Variants in PTPRD observed in about 807,000 individuals in gnomAD.
PTPRD encodes receptor-type tyrosine-protein phosphatase delta.
In PTPRD, 34 loss-of-function variants were observed where a neutral mutation model predicts 214.5. The ratio of observed to expected loss-of-function variants is 0.16; its 90% CI spans 0.12 to 0.21. The LOEUF (loss-of-function observed/expected upper bound fraction) is 0.21. PTPRD is among the 10% of genes least tolerant of loss of function. The pLI, the probability that PTPRD is intolerant of heterozygous loss-of-function variation, is 1.00. For missense variants in PTPRD, 2,545 were observed against 2,398.7 expected, an observed-to-expected ratio of 1.06 and a Z score of -1.27; for synonymous variants, 1,128 against 845.7, an observed-to-expected ratio of 1.33 and a Z score of -5.79.
intron 5 of PTPRD, chr9:9,800,613 A>G (rs1392719034): frequency 6.6e-6 from 1 of 152,178 alleles, no homozygotes; most frequent in Admixed American, 6.5e-5. Flanking sequence ...TTGTCTATAG[A>G]CCATGAGGTC....
intron 10 of PTPRD, among the ~76,000 whole-genome samples, chr9:9,131,704 T>TA (rs901629835): frequency 8.5e-5 from 13 of 152,180 alleles, no homozygotes; most frequent in East Asian, 1.9e-4. Context: ...TTTCTCTGTA[T>TA]AAAAAATCTC....
chr9:10,325,300 T>C (rs2096623323), intron 3 of PTPRD, among the ~76,000 whole-genome samples: 1 of 152,026 alleles, frequency 6.6e-6, no homozygotes, highest in Non-Finnish European at 1.5e-5. Flanking sequence ...GGCCTAGTTA[T>C]ACAGTAGGCA....
intron 7 of PTPRD, among the ~76,000 whole-genome samples, chr9:9,618,767 G>A (rs559881611): frequency 6.1e-4 from 93 of 152,246 alleles, no homozygotes; most frequent in African/African-American, 2.1e-3. Context: ...GGGAGATACA[G>A]ATTTGGAAGT....
chr9:10,238,681 C>G lies in PTPRD; in HGVS notation c.-545+102282G>C, dbSNP rs1300930831. On this transcript the variant is annotated intron_variant, in intron 3 of 45. Coordinates refer to ENST00000381196, the MANE Select transcript of PTPRD (RefSeq NM_002839.4). Reference sequence around the variant, plus strand: ...GGGATTAATATGCAGATATGAAAATCCTATCTAAAAATTGTAGACAATAAT... The same window carrying G: ...GGGATTAATATGCAGATATGAAAATGCTATCTAAAAATTGTAGACAATAAT... Among the ~76,000 whole-genome samples, 4 of 151,822 alleles carry G rather than the reference C, an allele frequency of 2.6e-5. No homozygotes were observed. The East Asian group carries it at 7.8e-4, about 29-fold the overall frequency.
intron 43 of PTPRD, among the ~76,000 whole-genome samples, chr9:8,335,106 C>G (rs201439594): frequency 0.6 from 89,440 of 148,924 alleles, 26,984 homozygotes; most frequent in Non-Finnish European, 0.66. Context: ...TGAAACTATT[C>G]CAAACAATAC....
chr9:10,132,542 G>A (rs1016244388), intron 3 of PTPRD, among the ~76,000 whole-genome samples: 2 of 151,990 alleles, frequency 1.3e-5, no homozygotes, highest in Non-Finnish European at 2.9e-5. Context: ...AGCTACCTGT[G>A]TTGAGAAAAA....
intron 5 of PTPRD, among the ~76,000 whole-genome samples, chr9:9,914,270 T>G (rs2080042243): frequency 6.6e-6 from 1 of 152,194 alleles, no homozygotes; most frequent in African/African-American, 2.4e-5. Context: ...GACATGTCTC[T>G]GGCTTGCTTA....
At chr9:9,357,471 T>G (rs1412880) in intron 9 of PTPRD, among the ~76,000 whole-genome samples, 43,982 of 150,946 alleles carry the variant, frequency 0.29, 9,296 homozygotes, top group African/African-American at 0.59. Flanking sequence ...GAAAGCTTGG[T>G]GAGAACTTTG....
intron 12 of PTPRD, among the ~76,000 whole-genome samples, chr9:8,665,259 G>A (rs536376928): frequency 6.6e-6 from 1 of 152,324 alleles, no homozygotes; most frequent in Non-Finnish European, 1.5e-5. Flanking sequence ...CCACGAAAAT[G>A]CAGCAGGTCT....
At chr9:9,827,687 C>A (rs969416424) in intron 5 of PTPRD, among the ~76,000 whole-genome samples, 1 of 152,062 alleles carries the variant, frequency 6.6e-6, no homozygotes, top group Non-Finnish European at 1.5e-5. Flanking sequence ...AGCTTCTGCA[C>A]AGCAAAAGAA....
At chr9:8,643,934 T>A (rs998834005) in intron 12 of PTPRD, among the ~76,000 whole-genome samples, 6 of 152,020 alleles carry the variant, frequency 3.9e-5, no homozygotes, top group Non-Finnish European at 7.4e-5. Flanking sequence ...GGGCCTGAAG[T>A]CTGAGTGCTG....
chr9:8,607,453 G>A (rs1470548495), intron 14 of PTPRD, among the ~76,000 whole-genome samples: 1 of 152,130 alleles, frequency 6.6e-6, no homozygotes, highest in Non-Finnish European at 1.5e-5. Context: ...GATCAGTCTG[G>A]TCAACATGGT....
At position 8,899,414 on chromosome 9, in the gene PTPRD, C is replaced by T. The variant is rs553015152; in HGVS notation, c.-104+119283G>A. The stretch of plus-strand genomic sequence containing the variant: ...AATTCAAGGGATGGGATTGTGTCTC[C>T]GCATTTTTGTTGTTCAACTAGAGAT... On this transcript the variant is annotated intron_variant, in intron 11 of 45. Transcript: ENST00000381196. Among the ~76,000 whole-genome samples the T allele has an allele frequency of 3.0e-4, 46 of 152,210 alleles. No homozygotes were observed. The East Asian group carries it at 5.8e-3, about 19-fold the overall frequency.
chr9:8,615,168 C>A (rs1351163246), intron 14 of PTPRD, among the ~76,000 whole-genome samples: 1 of 152,104 alleles, frequency 6.6e-6, no homozygotes, highest in Non-Finnish European at 1.5e-5. Context: ...ACTCAATTAG[C>A]AACTCCAACT....
intron 9 of PTPRD, among the ~76,000 whole-genome samples, chr9:9,386,212 T>C (rs1464649766): frequency 1.3e-5 from 2 of 152,144 alleles, no homozygotes; most frequent in Non-Finnish European, 2.9e-5. Context: ...CCCTTAATCC[T>C]ATGTGACTGG....
chr9:9,702,155 GA>G (rs1240005680), intron 7 of PTPRD, among the ~76,000 whole-genome samples: 1 of 151,840 alleles, frequency 6.6e-6, no homozygotes, highest in Non-Finnish European at 1.5e-5. Flanking sequence ...AGAAAGAGAG[GA>G]AACTAAAGTA....
chr9:9,936,912 C>T (rs980208531), intron 5 of PTPRD, among the ~76,000 whole-genome samples: 3 of 147,148 alleles, frequency 2.0e-5, no homozygotes, highest in Admixed American at 6.9e-5. Flanking sequence ...ATGATGAGTT[C>T]ATGTCCTTTG....
chr9:8,427,711 C>G (rs1246928029), intron 35 of PTPRD, among the ~76,000 whole-genome samples: 1 of 151,708 alleles, frequency 6.6e-6, no homozygotes, highest in African/African-American at 2.4e-5. Flanking sequence ...TTACTGACAT[C>G]AGCAAAGCCC....
In PTPRD at chr9:8,646,210, C is replaced by G. The variant is rs146286661; in HGVS notation, c.65-9366G>C. On this transcript the variant is annotated intron_variant, in intron 12 of 45. Coordinates refer to ENST00000381196, the MANE Select transcript of PTPRD (RefSeq NM_002839.4). The stretch of plus-strand genomic sequence containing the variant: ...AATTACTGAATGATGCCATGATATC[C>G]ATAGCTTCCCATCTGGTCACTCTCA... Among the ~76,000 whole-genome samples, 518 of 152,280 alleles carry G rather than the reference C, an allele frequency of 3.4e-3. 14 individuals are homozygous for G. Among genetic ancestry groups the G allele is most frequent in the Admixed American group, 0.029 (439 of 15,296 alleles).
Sources: allele counts gnomAD v4.1 joint callset (sites outside exome capture counted in the v4.1 genomes callset), GRCh38; gene constraint gnomAD v4.1.1; transcripts MANE v1.5; gene names NCBI Gene and HGNC (gene_info 2026-07-23, HGNC 2026-07-21).